MAL2: variants seen among roughly 807,000 people sequenced by gnomAD.
MAL2 encodes mal, T cell differentiation protein 2.
A neutral mutation model predicts 18.1 loss-of-function variants in MAL2; 17 were observed. That is an observed-to-expected ratio of 0.94 (90% CI 0.64 to 1.41). MAL2 has a LOEUF of 1.41. Among genes scored for constraint, MAL2 ranks in the 40% most tolerant of loss-of-function variants. MAL2 has a pLI of 0.00. For synonymous variants in MAL2, 102 were observed against 102.3 expected, an observed-to-expected ratio of 1.00 and a Z score of 0.02; for missense variants, 222 against 231.9, an observed-to-expected ratio of 0.96 and a Z score of 0.28.
intron 1 of MAL2, among the ~76,000 whole-genome samples, chr8:119,212,725 G>A (rs1253050790): frequency 2.0e-5 from 3 of 152,134 alleles, no homozygotes; most frequent in Non-Finnish European, 2.9e-5. Context: ...TTAGAAAATG[G>A]GAAAGAGAAT....
chr8:119,241,989 C>T (rs1459357990), intron 3 of MAL2, among the ~76,000 whole-genome samples: 1 of 152,012 alleles, frequency 6.6e-6, no homozygotes, highest in African/African-American at 2.4e-5. Context: ...ATTAGAAAAC[C>T]CTTGGTTTTA....
Position 119,208,665 on chromosome 8 carries a change from G to T in MAL2, c.132+61G>T. ...AGCGAGGACAGGCGGCGGCATCCTT[G>T]TCCCCCGGGCTGTCTTCCTCTGCGT... is the stretch of plus-strand genomic sequence containing the variant. On this transcript the variant is annotated intron_variant, in intron 1 of 3. Coordinates refer to ENST00000614891, the MANE Select transcript of MAL2 (RefSeq NM_052886.3). The surrounding 1 kb of genome is among the most constrained non-coding windows in gnomAD (Gnocchi z 4.3). The T allele has an allele frequency of 8.0e-7, 1 of 1,247,252 alleles. No individual in the cohort carries two copies. Among genetic ancestry groups the T allele is most frequent in the Non-Finnish European group, 1.0e-6 (1 of 993,932 alleles). The allele number at this position is 1,247,252 out of a possible 1,614,324, so 77.3% of individuals were successfully genotyped here. A position where few individuals can be genotyped will look rare whatever the true frequency, so the allele number is the denominator to read the frequency against.
chr8:119,225,532 C>T (rs1024037799), intron 2 of MAL2, among the ~76,000 whole-genome samples: 60 of 152,248 alleles, frequency 3.9e-4, no homozygotes, highest in African/African-American at 1.3e-3. Context: ...TTGGACATTT[C>T]GGTTGGTTCC....
At position 119,208,831 on chromosome 8, in the gene MAL2, T is replaced by G; in HGVS notation, c.132+227T>G. ...CCTGCTCCCCCGCGGGCGACGGAAA[T>G]TGCCTGGGGAGGGCGAGTAGGCGGC... On this transcript the variant is annotated intron_variant, in intron 1 of 3. Transcript: ENST00000614891. The surrounding 1 kb of genome is among the most constrained non-coding windows in gnomAD (Gnocchi z 4.3). 8.7e-6 allele frequency: 5 copies of G among 577,838 alleles called. No individual in the cohort carries two copies. The highest frequency in any genetic ancestry group is 2.0e-5 in the African/African-American group (1 of 51,186). 35.8% of individuals were successfully genotyped at this position (577,838 alleles called of 1,614,324 possible). A position where few individuals can be genotyped will look rare whatever the true frequency, so the allele number is the denominator to read the frequency against.
intron 3 of MAL2, among the ~76,000 whole-genome samples, chr8:119,241,489 C>A (rs932032478): frequency 6.6e-6 from 1 of 152,080 alleles, no homozygotes; most frequent in African/African-American, 2.4e-5. Context: ...AGACTCTGGT[C>A]GGGGGAGAGA....
Position 119,208,411 on chromosome 8 carries a change from C to A in MAL2, c.-62C>A. On this transcript the variant is annotated 5_prime_UTR_variant, in exon 1 of 4. Coordinates refer to ENST00000614891, the MANE Select transcript of MAL2 (RefSeq NM_052886.3). This position sits in a 1 kb window ranked among gnomAD's most constrained non-coding sequence, Gnocchi z 4.3. ...GCGGCGGCGGCGGCGGCGGCAGGAG[C>A]CCGGGAGGCGGAGGCGGGAGGCGGC... 2.1e-6 allele frequency: 2 copies of A among 970,676 alleles called. No individual in the cohort carries two copies. The highest frequency in any genetic ancestry group is 2.5e-6 in the Non-Finnish European group (2 of 798,336). The allele number at this position is 970,676 out of a possible 1,614,324, so 60.1% of individuals were successfully genotyped here. A position where few individuals can be genotyped will look rare whatever the true frequency, so the allele number is the denominator to read the frequency against.
At chr8:119,220,403 T>C (rs1817443901) in intron 1 of MAL2, among the ~76,000 whole-genome samples, 2 of 152,228 alleles carry the variant, frequency 1.3e-5, no homozygotes, top group Admixed American at 1.3e-4. Context: ...TCTGTGTTGA[T>C]AGAGCTGAGA....
At position 119,208,657 on chromosome 8, in the gene MAL2, G is replaced by A. The variant is rs1384462780; in HGVS notation, c.132+53G>A. The stretch of plus-strand genomic sequence containing the variant: ...GCGCGGGGAGCGAGGACAGGCGGCG[G>A]CATCCTTGTCCCCCGGGCTGTCTTC... On this transcript the variant is annotated intron_variant, in intron 1 of 3. Coordinates refer to ENST00000614891, the MANE Select transcript of MAL2 (RefSeq NM_052886.3). The surrounding 1 kb of genome is among the most constrained non-coding windows in gnomAD (Gnocchi z 4.3). 94 of 1,254,644 alleles carry A rather than the reference G, an allele frequency of 7.5e-5. No individual in the cohort carries two copies. The South Asian group carries it at 2.5e-3, about 33-fold the overall frequency. 77.7% of individuals were successfully genotyped at this position (1,254,644 alleles called of 1,614,324 possible).
chr8:119,236,206 C>G (rs1817887828), intron 2 of MAL2, among the ~76,000 whole-genome samples: 1 of 110,202 alleles, frequency 9.1e-6, no homozygotes, highest in Non-Finnish European at 1.8e-5. Flanking sequence ...AAGGCCATTA[C>G]ATAATGGTAA....
At chr8:119,234,652 CT>C (rs1275642295) in intron 2 of MAL2, among the ~76,000 whole-genome samples, 2 of 151,894 alleles carry the variant, frequency 1.3e-5, no homozygotes, top group African/African-American at 4.9e-5. Flanking sequence ...TCCCTGACCC[CT>C]GACCCCGGAA....
rs1477491064 is a variant in MAL2, at chr8:119,221,272, C to A, written c.133-315C>A. The A allele has an allele frequency of 1.3e-5, 3 of 222,496 alleles. No homozygotes were observed. The Admixed American group carries it at 1.6e-4, about 12-fold the overall frequency. 13.8% of individuals were successfully genotyped at this position (222,496 alleles called of 1,614,324 possible). ...ATTGAAAAGGTGGTAGTCAGAGAAT[C>A]AGTAAAGTCAAAGGAAGGTATTTGT... On this transcript the variant is annotated intron_variant, in intron 1 of 3. Coordinates refer to ENST00000614891, the MANE Select transcript of MAL2 (RefSeq NM_052886.3).
At chr8:119,216,526 C>T (rs918865669) in intron 1 of MAL2, among the ~76,000 whole-genome samples, 1 of 152,144 alleles carries the variant, frequency 6.6e-6, no homozygotes, top group Non-Finnish European at 1.5e-5. Context: ...CATAAGAGCT[C>T]AGTAAATGTT....
At chr8:119,232,292 C>T (rs968134058) in intron 2 of MAL2, among the ~76,000 whole-genome samples, 10 of 152,058 alleles carry the variant, frequency 6.6e-5, no homozygotes, top group African/African-American at 2.4e-4. Context: ...GTTTTTCTTC[C>T]TCCAAAAGTT....
intron 2 of MAL2, among the ~76,000 whole-genome samples, chr8:119,225,609 T>A (rs376346344): frequency 6.6e-6 from 1 of 152,026 alleles, no homozygotes; most frequent in East Asian, 1.9e-4. Context: ...TAGCAGCATG[T>A]TTTATAATCC....
Position 119,208,752 on chromosome 8 carries a change from C to G in MAL2, c.132+148C>G. 2.6e-6 allele frequency: 3 copies of G among 1,163,034 alleles called. No individual in the cohort carries two copies. Among genetic ancestry groups the G allele is most frequent in the Non-Finnish European group, 3.2e-6 (3 of 931,184 alleles). 72.0% of individuals were successfully genotyped at this position (1,163,034 alleles called of 1,614,324 possible). ...CCTGCGCTCCCTCCCGGGGTCCTCT[C>G]GGTGCCCCGCGCCGCCGCCCGGGCC... On this transcript the variant is annotated intron_variant, in intron 1 of 3. Transcript: ENST00000614891. The surrounding 1 kb of genome is among the most constrained non-coding windows in gnomAD (Gnocchi z 4.3).
At chr8:119,238,687 A>G (rs1436964010) in intron 2 of MAL2, among the ~76,000 whole-genome samples, 2 of 150,172 alleles carry the variant, frequency 1.3e-5, no homozygotes, top group Admixed American at 6.6e-5. Context: ...AGGAATCCCT[A>G]TTTAATAAAT....
At chr8:119,242,667 A>C (rs1213394748) in intron 3 of MAL2, among the ~76,000 whole-genome samples, 1 of 152,224 alleles carries the variant, frequency 6.6e-6, no homozygotes, top group Non-Finnish European at 1.5e-5. Flanking sequence ...TCTATAGGTG[A>C]ATCTGGTATT....
At chr8:119,242,212 T>C (rs1259353900) in intron 3 of MAL2, among the ~76,000 whole-genome samples, 2 of 152,176 alleles carry the variant, frequency 1.3e-5, no homozygotes, top group Non-Finnish European at 2.9e-5. Flanking sequence ...AAATACGTGA[T>C]GGTTGTCTGA....
At chr8:119,223,412 G>A (rs566552135) in intron 2 of MAL2, 1 of 152,126 alleles carries the variant, frequency 6.6e-6, no homozygotes, top group African/African-American at 2.4e-5. Context: ...TAATATATTT[G>A]GTATTGAGTA....
Sources: gnomAD v4.1 joint callset for allele counts (sites outside exome capture counted in the v4.1 genomes callset) on GRCh38, gnomAD v4.1.1 for gene constraint, Gnocchi (gnomAD v3.1) non-coding constraint, MANE v1.5 for transcripts, NCBI Gene and HGNC (gene_info 2026-07-23, HGNC 2026-07-21) for gene names.